Variants in SGK3 observed in about 807,000 individuals in gnomAD.
SGK3 encodes serum/glucocorticoid regulated kinase family member 3.
SGK3 carries 47 observed loss-of-function variants against 68.5 expected under a neutral mutation model. The ratio of observed to expected loss-of-function variants is 0.69; its 90% CI spans 0.54 to 0.87. The LOEUF is 0.87. Among genes scored for constraint, SGK3 ranks in the 40% least tolerant of loss-of-function variants. The pLI, the probability that SGK3 is intolerant of heterozygous loss-of-function variation, is 0.00. For missense variants in SGK3, 479 were observed against 575.5 expected, an observed-to-expected ratio of 0.83 and a Z score of 1.72; for synonymous variants, 181 against 189.1, an observed-to-expected ratio of 0.96 and a Z score of 0.35.
At chr8:66,787,627 G>T (rs566277225) in intron 1 of SGK3, among the ~76,000 whole-genome samples, 1 of 152,116 alleles carries the variant, frequency 6.6e-6, no homozygotes, top group South Asian at 2.1e-4. Context: ...CTTTGTCATC[G>T]GTCCATTGAG....
Position 66,779,590 on chromosome 8 carries a change from ATATATATATAT to A in SGK3, c.-121-14025_-121-14015del, listed in dbSNP as rs1355587921. ...TATATATATATATATATATATATAT[ATATATATATAT>A]AAAACACATTTTTTATATATATACG... is the stretch of plus-strand genomic sequence containing the variant. On this transcript the variant is annotated intron_variant, in intron 1 of 16. Coordinates refer to ENST00000521198, the MANE Select transcript of SGK3 (RefSeq NM_001033578.3). Among the ~76,000 whole-genome samples the A allele has an allele frequency of 8.3e-3, 1,140 of 136,854 alleles. 18 individuals carry two copies. The highest frequency in any genetic ancestry group is 0.028 in the African/African-American group (1,053 of 37,266). The allele number at this position is 136,854 out of a possible 152,430, so 89.8% of individuals were successfully genotyped here. A position where few individuals can be genotyped will look rare whatever the true frequency, so the allele number is the denominator to read the frequency against.
intron 16 of SGK3, among the ~76,000 whole-genome samples, chr8:66,858,961 C>T (rs1810644036): frequency 6.6e-6 from 1 of 152,086 alleles, no homozygotes; most frequent in African/African-American, 2.4e-5. Flanking sequence ...AGCAGAAAAG[C>T]GTTTCAAGGG....
intron 4 of SGK3, among the ~76,000 whole-genome samples, chr8:66,805,737 T>G (rs1808130896): frequency 6.6e-6 from 1 of 152,210 alleles, no homozygotes; most frequent in Non-Finnish European, 1.5e-5. Flanking sequence ...AAGTCATCTA[T>G]CTCTGCCACA....
At chr8:66,807,072 A>G (rs953175270) in intron 4 of SGK3, among the ~76,000 whole-genome samples, 1 of 152,180 alleles carries the variant, frequency 6.6e-6, no homozygotes, top group African/African-American at 2.4e-5. Flanking sequence ...TAGCCCTGGC[A>G]TTAGATAATG....
chr8:66,723,104 TATATATATATATATATATATATATA>T (rs1179410776), intron 1 of SGK3, among the ~76,000 whole-genome samples: 25 of 34,280 alleles, frequency 7.3e-4, no homozygotes, highest in Middle Eastern at 7.7e-3. Context: ...TATATATATA[TATATATATATATATATATATATATA>T]TATTTTTTTT....
intron 5 of SGK3, among the ~76,000 whole-genome samples, chr8:66,815,948 C>CGGAA (rs1808556426): frequency 6.6e-6 from 1 of 152,172 alleles, no homozygotes; most frequent in Non-Finnish European, 1.5e-5. Context: ...ATCACCATTC[C>CGGAA]ATTCATGATA....
intron 5 of SGK3, among the ~76,000 whole-genome samples, chr8:66,819,918 A>G (rs1023313933): frequency 1.8e-4 from 28 of 152,028 alleles, no homozygotes; most frequent in African/African-American, 6.0e-4. Context: ...CCTGGGTTCA[A>G]GAGATTCTCC....
At chr8:66,725,547 TG>T (rs1260697620) in intron 1 of SGK3, among the ~76,000 whole-genome samples, 15 of 152,102 alleles carry the variant, frequency 9.9e-5, no homozygotes, top group African/African-American at 3.6e-4. Flanking sequence ...TTTAAAATCA[TG>T]TCCCGGAGTT....
In SGK3 at chr8:66,841,079, A is replaced by G; in HGVS notation, c.947A>G (p.Asp316Gly). Residue 316 changes from aspartate to glycine, a missense_variant, in exon 13 of 17, where the codon GAC (aspartate) becomes GGC (glycine). Around this residue, in one of 3 missense-constraint regions of SGK3, gnomAD observed 173 missense variants for 214.3 expected, o/e 0.81. Transcript: ENST00000521198. ...TGTAAAGAAGGAATTGCTATTTCTGACACCACTACCACATTTTGTGGGACA... is the reference window on the plus strand; with the variant it reads ...TGTAAAGAAGGAATTGCTATTTCTGGCACCACTACCACATTTTGTGGGACA... The part of the protein sequence containing the change: ...GLCKEGIAIS[D>G]TTTTFCGTPE... 1 of 1,597,476 alleles carries G rather than the reference A, an allele frequency of 6.3e-7. No individual in the cohort carries two copies. The highest frequency in any genetic ancestry group is 1.1e-5 in the South Asian group (1 of 88,186).
intron 6 of SGK3, 35 bp from the exon 7 acceptor site, chr8:66,828,619 A>G (rs1563649161): frequency 6.2e-7 from 1 of 1,613,044 alleles, no homozygotes. Context: ...TGAAGCTCCA[A>G]TAAGAATGTT....
intron 13 of SGK3, among the ~76,000 whole-genome samples, chr8:66,842,953 C>A (rs1476803149): frequency 6.6e-6 from 1 of 152,080 alleles, no homozygotes; most frequent in Admixed American, 6.6e-5. Context: ...TGCCTCTAGT[C>A]CCAGCTCCTC....
chr8:66,732,241 A>T (rs1235191193), intron 1 of SGK3, among the ~76,000 whole-genome samples: 1 of 152,252 alleles, frequency 6.6e-6, no homozygotes, highest in Non-Finnish European at 1.5e-5. Flanking sequence ...ATGTTTCAAC[A>T]TATAAACACC....
intron 1 of SGK3, among the ~76,000 whole-genome samples, chr8:66,713,756 A>G (rs557302576): frequency 3.9e-5 from 6 of 152,122 alleles, no homozygotes; most frequent in Non-Finnish European, 8.8e-5. Context: ...AACTTATCAT[A>G]TTATAGCGGT....
chr8:66,840,958 A>G, intron 12 of SGK3, 66 bp from the exon 13 acceptor site: 2 of 1,237,848 alleles, frequency 1.6e-6, no homozygotes, highest in Non-Finnish European at 1.1e-6. Flanking sequence ...AAAAAAAAAA[A>G]TTAACTGAAA....
chr8:66,851,955 A>C (rs1810307428), intron 16 of SGK3, among the ~76,000 whole-genome samples: 1 of 152,194 alleles, frequency 6.6e-6, no homozygotes. Flanking sequence ...GAGGAAATAG[A>C]AGCTCAGAGA....
chr8:66,818,848 AC>A (rs1490688145), intron 5 of SGK3, among the ~76,000 whole-genome samples: 1 of 152,210 alleles, frequency 6.6e-6, no homozygotes, highest in Non-Finnish European at 1.5e-5. Flanking sequence ...CTATTTTCTG[AC>A]TATTATAAAT....
rs1804804887 is a variant in SGK3, at chr8:66,721,916, A to G, written c.-122+9083A>G. Among the ~76,000 whole-genome samples, 2 of 152,322 alleles carry G rather than the reference A, an allele frequency of 1.3e-5. 1 individual carries two copies. The highest frequency in any genetic ancestry group is 4.1e-4 in the South Asian group (2 of 4,824). ...AAGACTAAGAAGGGTATCTTGGGCC[A>G]AAGGTTAGCAATCTTTGAGAAGTGG... is the stretch of plus-strand genomic sequence containing the variant. On this transcript the variant is annotated intron_variant, in intron 1 of 16. Coordinates refer to ENST00000521198, the MANE Select transcript of SGK3 (RefSeq NM_001033578.3).
intron 12 of SGK3, 167 bp from the exon 13 acceptor site, chr8:66,840,857 G>A (rs980211301): frequency 6.8e-5 from 25 of 365,764 alleles, no homozygotes; most frequent in African/African-American, 4.3e-4. Flanking sequence ...CATGAGAATC[G>A]CTTGAACCCA....
chr8:66,837,783 CA>C (rs963046526), intron 10 of SGK3, among the ~76,000 whole-genome samples: 27 of 146,800 alleles, frequency 1.8e-4, no homozygotes, highest in East Asian at 5.9e-4. Context: ...GACCCTGTGT[CA>C]AAAAAAAAAA....
Sources: allele counts gnomAD v4.1 joint callset (sites outside exome capture counted in the v4.1 genomes callset), GRCh38; gene constraint gnomAD v4.1.1; regional missense constraint gnomAD v4.1.1; transcripts MANE v1.5; gene names NCBI Gene and HGNC (gene_info 2026-07-23, HGNC 2026-07-21).